Variants in UNC13B observed in about 807,000 individuals in gnomAD.
The protein encoded by UNC13B is unc-13 homolog B, also known as protein unc-13 homolog B.
Under a neutral mutation model 211.0 loss-of-function variants are expected in UNC13B, and 144 were observed. That is an observed-to-expected ratio of 0.68 (90% CI 0.60 to 0.78). UNC13B has a LOEUF of 0.78. Ranked by LOEUF, UNC13B falls within the 30% of genes least tolerant of loss-of-function variation. The pLI is 0.00. For missense variants in UNC13B, 1,777 were observed against 2,002.0 expected, an observed-to-expected ratio of 0.89 and a Z score of 2.14; for synonymous variants, 709 against 725.8, an observed-to-expected ratio of 0.98 and a Z score of 0.37.
chr9:35,321,540 C>T (rs1001550369), intron 11 of UNC13B, among the ~76,000 whole-genome samples: 3 of 152,084 alleles, frequency 2.0e-5, no homozygotes, highest in African/African-American at 7.2e-5. Context: ...TTATGAATAA[C>T]GCTGTGATGA....
At chr9:35,192,576 G>A (rs1457319852) in intron 1 of UNC13B, among the ~76,000 whole-genome samples, 1 of 152,174 alleles carries the variant, frequency 6.6e-6, no homozygotes, top group Non-Finnish European at 1.5e-5. Context: ...AATGAGAAGG[G>A]AACTTGAGGG....
At chr9:35,393,161 A>G (rs1014692624) in intron 26 of UNC13B, among the ~76,000 whole-genome samples, 4 of 152,234 alleles carry the variant, frequency 2.6e-5, no homozygotes, top group Admixed American at 2.6e-4. Context: ...AGTCTAGAAA[A>G]CAGTCGTATA....
intron 12 of UNC13B, 127 bp from the exon 13 acceptor site, chr9:35,370,189 TAA>T: frequency 1.5e-6 from 1 of 679,748 alleles, no homozygotes; most frequent in Non-Finnish European, 2.5e-6. Context: ...CTTCCCGTCC[TAA>T]AAGCACATGG....
chr9:35,364,489 T>C lies in UNC13B; in HGVS notation c.9415-2458T>C, dbSNP rs893984035. 64 of 1,531,014 alleles carry C rather than the reference T, an allele frequency of 4.2e-5. No individual in the cohort carries two copies. The East Asian group carries it at 5.9e-4, about 14-fold the overall frequency. 94.8% of individuals were successfully genotyped at this position (1,531,014 alleles called of 1,614,324 possible). ...GCATTTTCTTTGGGTTCCCTACTTA[T>C]AGGACTGACTCTACTAACCTTTCTG... is the stretch of plus-strand genomic sequence containing the variant. On this transcript the variant is annotated intron_variant, in intron 11 of 39. Coordinates refer to ENST00000635942, the MANE Select transcript of UNC13B (RefSeq NM_001371189.2).
intron 11 of UNC13B, among the ~76,000 whole-genome samples, chr9:35,336,361 G>A (rs1831657513): frequency 6.6e-6 from 1 of 152,006 alleles, no homozygotes. Context: ...TATATAACAT[G>A]GGTATAACAA....
At chr9:35,179,227 G>T (rs1432727182) in intron 1 of UNC13B, among the ~76,000 whole-genome samples, 1 of 152,102 alleles carries the variant, frequency 6.6e-6, no homozygotes, top group Non-Finnish European at 1.5e-5. Flanking sequence ...TGCATTGTTG[G>T]CTGTGAATCA....
intron 1 of UNC13B, among the ~76,000 whole-genome samples, chr9:35,185,060 C>T (rs1046685137): frequency 2.6e-5 from 4 of 152,148 alleles, no homozygotes; most frequent in Non-Finnish European, 5.9e-5. Context: ...CTTAGATGAT[C>T]TCACTTTCTG....
intron 1 of UNC13B, among the ~76,000 whole-genome samples, chr9:35,215,728 C>G (rs1343439679): frequency 6.6e-6 from 1 of 152,090 alleles, no homozygotes; most frequent in Non-Finnish European, 1.5e-5. Context: ...ACAAAATGAG[C>G]AATTTTTTTC....
chr9:35,277,167 T>C (rs1828224317), intron 7 of UNC13B, among the ~76,000 whole-genome samples: 1 of 152,102 alleles, frequency 6.6e-6, no homozygotes, highest in African/African-American at 2.4e-5. Flanking sequence ...CCCATCCAGG[T>C]TTTAGGGAAA....
At chr9:35,348,190 G>C (rs1324159439) in intron 11 of UNC13B, among the ~76,000 whole-genome samples, 1 of 152,230 alleles carries the variant, frequency 6.6e-6, no homozygotes, top group African/African-American at 2.4e-5. Flanking sequence ...ATCAGTAGCA[G>C]TAGCAGGGGA....
chr9:35,252,880 A>C (rs1338266337), intron 6 of UNC13B, among the ~76,000 whole-genome samples: 1 of 151,896 alleles, frequency 6.6e-6, no homozygotes. Flanking sequence ...CAGTGAGCTG[A>C]GATTGCACCA....
At chr9:35,243,985 T>G (rs774826551) in intron 6 of UNC13B, among the ~76,000 whole-genome samples, 9 of 152,098 alleles carry the variant, frequency 5.9e-5, no homozygotes, top group Non-Finnish European at 1.3e-4. Flanking sequence ...AACAATTTCA[T>G]GAGATAATTT....
chr9:35,191,977 A>G (rs890598646), intron 1 of UNC13B, among the ~76,000 whole-genome samples: 4 of 152,228 alleles, frequency 2.6e-5, no homozygotes, highest in Non-Finnish European at 5.9e-5. Context: ...ATCCCTTTTC[A>G]TTAATTAAAA....
chr9:35,383,851 T>A (rs1419312798), intron 21 of UNC13B, among the ~76,000 whole-genome samples: 1 of 151,928 alleles, frequency 6.6e-6, no homozygotes, highest in Non-Finnish European at 1.5e-5. Context: ...CCGAGATAAG[T>A]CAGGAGACCT....
intron 1 of UNC13B, among the ~76,000 whole-genome samples, chr9:35,201,447 T>C (rs1448864635): frequency 6.6e-6 from 1 of 152,224 alleles, no homozygotes; most frequent in Non-Finnish European, 1.5e-5. Context: ...AGAATTCAGC[T>C]GTGAATCCAT....
chr9:35,259,060 A>C lies in UNC13B; in HGVS notation c.526+10A>C. The C allele has an allele frequency of 1.2e-6, 2 of 1,613,538 alleles. No homozygotes were observed. The highest frequency in any genetic ancestry group is 1.7e-6 in the Non-Finnish European group (2 of 1,179,744). Reference sequence around the variant, plus strand: ...GCTGCCGCCCAGTGTTGTAAGTGAGAAACTTGTCTATGAATCTCTTTTAAT... The same window carrying C: ...GCTGCCGCCCAGTGTTGTAAGTGAGCAACTTGTCTATGAATCTCTTTTAAT... On this transcript the variant is annotated intron_variant, in intron 7 of 39. Coordinates refer to ENST00000635942, the MANE Select transcript of UNC13B (RefSeq NM_001371189.2).
chr9:35,162,085 C>A lies in UNC13B; in HGVS notation c.-199C>A. The A allele has an allele frequency of 1.3e-6, 1 of 779,724 alleles. No individual in the cohort carries two copies. The highest frequency in any genetic ancestry group is 1.7e-5 in the South Asian group (1 of 58,290). 48.3% of individuals were successfully genotyped at this position (779,724 alleles called of 1,614,324 possible). A position where few individuals can be genotyped will look rare whatever the true frequency, so the allele number is the denominator to read the frequency against. ...TCCCCAGCCTGCCGGCCGGTACTCACCGCTACCCGGAGTTCGCTCAGACGG... is the reference window on the plus strand; with the variant it reads ...TCCCCAGCCTGCCGGCCGGTACTCAACGCTACCCGGAGTTCGCTCAGACGG... On this transcript the variant is annotated 5_prime_UTR_variant, in exon 1 of 40. Transcript: ENST00000635942.
chr9:35,284,238 C>T (rs1177628413), intron 7 of UNC13B, among the ~76,000 whole-genome samples: 5 of 152,090 alleles, frequency 3.3e-5, no homozygotes, highest in Non-Finnish European at 7.4e-5. Context: ...TGCACTCCAG[C>T]CTGGTTGACA....
chr9:35,205,312 C>T (rs1013685433), intron 1 of UNC13B, among the ~76,000 whole-genome samples: 2 of 152,026 alleles, frequency 1.3e-5, no homozygotes, highest in Non-Finnish European at 2.9e-5. Flanking sequence ...CAGACTAATA[C>T]ACACACACAA....
Sources: gnomAD v4.1 joint callset for allele counts (sites outside exome capture counted in the v4.1 genomes callset) on GRCh38, gnomAD v4.1.1 for gene constraint, MANE v1.5 for transcripts, NCBI Gene and HGNC (gene_info 2026-07-23, HGNC 2026-07-21) for gene names.